GALNT14: variants seen among roughly 807,000 people sequenced by gnomAD.
The protein encoded by GALNT14 is polypeptide N-acetylgalactosaminyltransferase 14.
GALNT14 carries 60 observed loss-of-function variants against 77.5 expected under a neutral mutation model. The ratio of observed to expected loss-of-function variants is 0.77; its 90% CI spans 0.63 to 0.96. The LOEUF (loss-of-function observed/expected upper bound fraction) is 0.96. Ranked by LOEUF, GALNT14 falls within the 40% of genes least tolerant of loss-of-function variation. The pLI is 0.00. For missense variants in GALNT14, 710 were observed against 731.0 expected (o/e 0.97, Z 0.33); for synonymous variants, 280 against 281.7 (o/e 0.99, Z 0.06).
intron 1 of GALNT14, among the ~76,000 whole-genome samples, chr2:31,136,864 A>G (rs1255640668): frequency 6.6e-6 from 1 of 152,164 alleles, no homozygotes; most frequent in Non-Finnish European, 1.5e-5. Context: ...CCTACTATGC[A>G]CCTGGCACAC....
chr2:30,971,173 G>C (rs1232907569), intron 2 of GALNT14, among the ~76,000 whole-genome samples: 1 of 152,186 alleles, frequency 6.6e-6, no homozygotes, highest in Admixed American at 6.5e-5. Context: ...AGTCGGCCCA[G>C]ACAGTAGGGT....
intron 13 of GALNT14, among the ~76,000 whole-genome samples, chr2:30,915,452 A>G (rs918308582): frequency 7.9e-5 from 12 of 152,192 alleles, no homozygotes; most frequent in African/African-American, 2.9e-4. Flanking sequence ...GTCCCAGAGG[A>G]AGGCTGATGT....
At chr2:30,984,256 A>G (rs1669161032) in intron 2 of GALNT14, among the ~76,000 whole-genome samples, 1 of 152,234 alleles carries the variant, frequency 6.6e-6, no homozygotes, top group Admixed American at 6.5e-5. Flanking sequence ...CCAAGTTCTC[A>G]TATCAGGCTC....
chr2:31,131,023 T>G (rs75312469), intron 1 of GALNT14, among the ~76,000 whole-genome samples: 2 of 152,152 alleles, frequency 1.3e-5, no homozygotes, highest in Non-Finnish European at 2.9e-5. Flanking sequence ...CTGAAAAGAC[T>G]CAGACTGCTG....
At chr2:31,050,944 G>A (rs1457506722) in intron 1 of GALNT14, among the ~76,000 whole-genome samples, 2 of 152,046 alleles carry the variant, frequency 1.3e-5, no homozygotes, top group African/African-American at 4.8e-5. Flanking sequence ...AAGTGGAAAG[G>A]GCAGGAAACA....
At chr2:30,979,361 T>C (rs962428673) in intron 2 of GALNT14, among the ~76,000 whole-genome samples, 23 of 152,006 alleles carry the variant, frequency 1.5e-4, no homozygotes, top group African/African-American at 5.3e-4. Context: ...GCACCCGGCC[T>C]GAGATGAAGC....
At chr2:30,917,458 A>G (rs571682360) in intron 13 of GALNT14, among the ~76,000 whole-genome samples, 1 of 152,222 alleles carries the variant, frequency 6.6e-6, no homozygotes, top group South Asian at 2.1e-4. Context: ...CTGTATCTGA[A>G]CCATGCCCTG....
intron 1 of GALNT14, among the ~76,000 whole-genome samples, chr2:31,009,317 C>T (rs8179599): frequency 0.091 from 13,380 of 146,580 alleles, 732 homozygotes; most frequent in East Asian, 0.28. Flanking sequence ...GAAAAGCCCC[C>T]CTTCGAGGGT....
intron 1 of GALNT14, among the ~76,000 whole-genome samples, chr2:31,002,194 C>T (rs1670406478): frequency 6.6e-6 from 1 of 152,108 alleles, no homozygotes; most frequent in Non-Finnish European, 1.5e-5. Flanking sequence ...TTTTGGGAGG[C>T]TGAGGTGGGC....
chr2:31,094,179 A>C (rs1316525772), intron 1 of GALNT14, among the ~76,000 whole-genome samples: 1 of 152,086 alleles, frequency 6.6e-6, no homozygotes. Flanking sequence ...AATCTCCCCA[A>C]CCCTTAAGAA....
chr2:30,904,955 A>C, the GALNT14 span, among the ~76,000 whole-genome samples: 1 of 151,982 alleles, frequency 6.6e-6, no homozygotes, highest in Non-Finnish European at 1.5e-5. Flanking sequence ...GGGCACACTG[A>C]CACCTCACAC....
chr2:31,106,292 T>C (rs576548468), intron 1 of GALNT14, among the ~76,000 whole-genome samples: 1 of 152,350 alleles, frequency 6.6e-6, no homozygotes, highest in African/African-American at 2.4e-5. Context: ...TGTGTGTCTA[T>C]TTTTTATGTC....
intron 6 of GALNT14, among the ~76,000 whole-genome samples, chr2:30,948,343 A>G (rs889898): frequency 0.34 from 51,507 of 152,054 alleles, 8,841 homozygotes; most frequent in East Asian, 0.52. Context: ...AACCCCTTGG[A>G]ATGTCCTGCC....
chr2:31,131,284 A>G (rs1678980189), intron 1 of GALNT14, among the ~76,000 whole-genome samples: 1 of 152,158 alleles, frequency 6.6e-6, no homozygotes, highest in South Asian at 2.1e-4. Context: ...CCTGTGAGGA[A>G]AAAGGCTCAC....
chr2:30,907,906 A>G (rs1276709559), downstream of GALNT14, among the ~76,000 whole-genome samples: 30 of 117,150 alleles, frequency 2.6e-4, no homozygotes, highest in East Asian at 6.6e-3. Flanking sequence ...CTGGTTCAAT[A>G]TACGCAAATC....
intron 1 of GALNT14, among the ~76,000 whole-genome samples, chr2:31,127,247 C>T (rs181759528): frequency 2.0e-5 from 3 of 152,276 alleles, no homozygotes; most frequent in Non-Finnish European, 4.4e-5. Context: ...AGATGAATTT[C>T]GCCTGTTCTT....
At chr2:30,992,804 G>C (rs764787346) in intron 2 of GALNT14, 34 bp downstream of exon 2, 1 of 1,605,078 alleles carries the variant, frequency 6.2e-7, no homozygotes, top group Non-Finnish European at 8.5e-7. Context: ...TCTTTTGACT[G>C]CGGGGGTAAC....
chr2:30,942,040 G>A lies in GALNT14; in HGVS notation c.931+161C>T, dbSNP rs6711573. ...CAACTATTCCTTTGGCACCCTACCC[G>A]CTTTCCCCCAAAAGAGTAACTCACC... On this transcript the variant is annotated intron_variant, in intron 9 of 14. Transcript: ENST00000349752. Among the ~76,000 whole-genome samples the A allele has an allele frequency of 0.023, 3,535 of 152,112 alleles. 47 individuals carry two copies. Among genetic ancestry groups the A allele is most frequent in the Admixed American group, 0.05 (758 of 15,276 alleles).
chr2:30,964,788 T>C (rs1318024242), intron 3 of GALNT14, among the ~76,000 whole-genome samples: 2 of 152,204 alleles, frequency 1.3e-5, no homozygotes, highest in Non-Finnish European at 2.9e-5. Flanking sequence ...TCATCATTCA[T>C]GACAGGTGGA....
Sources: gnomAD v4.1 joint callset for allele counts (sites outside exome capture counted in the v4.1 genomes callset) on GRCh38, gnomAD v4.1.1 for gene constraint, MANE v1.5 for transcripts, NCBI Gene and HGNC (gene_info 2026-07-23, HGNC 2026-07-21) for gene names.